MCPH1: variants seen among roughly 807,000 people sequenced by gnomAD.
MCPH1 encodes the protein microcephalin 1.
MCPH1 carries 104 observed loss-of-function variants against 84.5 expected under a neutral mutation model. The observed-to-expected ratio is 1.23, with a 90% CI of 1.05 to 1.45. The LOEUF (loss-of-function observed/expected upper bound fraction) is 1.45, where lower values mean the gene tolerates loss of function less well. MCPH1 is among the 40% of genes most tolerant of loss of function. The pLI, the probability that MCPH1 is intolerant of heterozygous loss-of-function variation, is 0.00. For missense variants in MCPH1, 1,498 were observed against 1,005.7 expected, an observed-to-expected ratio of 1.49 and a Z score of -6.62; for synonymous variants, 514 against 366.8, an observed-to-expected ratio of 1.40 and a Z score of -4.58.
intron 7 of MCPH1, among the ~76,000 whole-genome samples, chr8:6,443,142 C>T (rs1161038610): frequency 6.6e-6 from 1 of 152,190 alleles, no homozygotes; most frequent in African/African-American, 2.4e-5. Flanking sequence ...ATCACCATCC[C>T]ATTTTGCCAG....
intron 3 of MCPH1, among the ~76,000 whole-genome samples, chr8:6,419,562 T>G (rs1336685599): frequency 6.8e-6 from 1 of 147,072 alleles, no homozygotes; most frequent in Non-Finnish European, 1.5e-5. Flanking sequence ...CTGGCTAATT[T>G]TTTTTTTTTT....
chr8:6,561,925 C>T (rs1056049098), intron 12 of MCPH1, among the ~76,000 whole-genome samples: 1 of 152,214 alleles, frequency 6.6e-6, no homozygotes, highest in African/African-American at 2.4e-5. Flanking sequence ...ACCGTCCTGT[C>T]GTGGCATGAC....
intron 3 of MCPH1, among the ~76,000 whole-genome samples, chr8:6,430,012 C>A (rs2129553834): frequency 6.6e-6 from 1 of 152,276 alleles, no homozygotes; most frequent in African/African-American, 2.4e-5. Context: ...TGTATGTTTT[C>A]CCCACAATGT....
chr8:6,434,916 A>T (rs904304556), intron 4 of MCPH1, among the ~76,000 whole-genome samples: 4 of 152,158 alleles, frequency 2.6e-5, no homozygotes, highest in South Asian at 2.1e-4. Flanking sequence ...CAGTATGTGT[A>T]TTTGTGCTGA....
Position 6,621,867 on chromosome 8 carries a change from C to G in MCPH1, c.2452+176C>G, listed in dbSNP as rs1239550016. Among the ~76,000 whole-genome samples the G allele has an allele frequency of 6.6e-6, 1 of 152,034 alleles. No individual in the cohort carries two copies. The highest frequency in any genetic ancestry group is 2.4e-5 in the African/African-American group (1 of 41,358). ...GTGGTCACCCTCGGCATTCCCGCTC[C>G]TTGCTGTTAGCAGACGTACAGTTCA... On this transcript the variant is annotated intron_variant, in intron 13 of 13. Transcript: ENST00000344683.
At chr8:6,470,887 C>G (rs6989935) in intron 9 of MCPH1, among the ~76,000 whole-genome samples, 2 of 152,158 alleles carry the variant, frequency 1.3e-5, no homozygotes, top group Non-Finnish European at 2.9e-5. Flanking sequence ...GTAAGATGTA[C>G]ATAAACTAAG....
intron 12 of MCPH1, among the ~76,000 whole-genome samples, chr8:6,594,700 CA>C (rs1828787506): frequency 2.0e-5 from 3 of 151,906 alleles, no homozygotes; most frequent in Non-Finnish European, 2.9e-5. Context: ...CAGGGGACTG[CA>C]GGGGACTGCA....
At chr8:6,489,925 G>T (rs1249785841) in intron 11 of MCPH1, among the ~76,000 whole-genome samples, 1 of 152,164 alleles carries the variant, frequency 6.6e-6, no homozygotes, top group Non-Finnish European at 1.5e-5. Flanking sequence ...AATGGATAAG[G>T]CTAAAAACCA....
intron 9 of MCPH1, among the ~76,000 whole-genome samples, chr8:6,457,818 C>T (rs1805862986): frequency 6.6e-6 from 1 of 152,084 alleles, no homozygotes; most frequent in Non-Finnish European, 1.5e-5. Context: ...CTAATCCAGT[C>T]CTTATTAGTG....
At chr8:6,596,910 G>C (rs1828972976) in intron 12 of MCPH1, among the ~76,000 whole-genome samples, 1 of 152,212 alleles carries the variant, frequency 6.6e-6, no homozygotes, top group Non-Finnish European at 1.5e-5. Flanking sequence ...GAATGAATGA[G>C]AAAACTCTTG....
At chr8:6,513,051 A>G (rs1309024456) in intron 12 of MCPH1, among the ~76,000 whole-genome samples, 1 of 152,244 alleles carries the variant, frequency 6.6e-6, no homozygotes, top group Non-Finnish European at 1.5e-5. Context: ...CATGTGACAT[A>G]TTATCATGGG....
intron 11 of MCPH1, among the ~76,000 whole-genome samples, chr8:6,487,928 G>C (rs1418376405): frequency 6.6e-6 from 1 of 152,230 alleles, no homozygotes; most frequent in African/African-American, 2.4e-5. Context: ...TGTCTGACTT[G>C]AACGTGGATC....
intron 13 of MCPH1, among the ~76,000 whole-genome samples, chr8:6,637,854 T>A (rs1033646557): frequency 1.3e-5 from 2 of 152,066 alleles, no homozygotes; most frequent in Admixed American, 6.6e-5. Context: ...CAGGGACGTA[T>A]CGATGGAGGT....
intron 9 of MCPH1, among the ~76,000 whole-genome samples, chr8:6,476,644 C>G (rs1808496686): frequency 6.6e-6 from 1 of 152,176 alleles, no homozygotes; most frequent in Admixed American, 6.5e-5. Flanking sequence ...AACCAGCAGT[C>G]CTTCCCCAAA....
intron 12 of MCPH1, among the ~76,000 whole-genome samples, chr8:6,510,350 C>T (rs1814794014): frequency 6.6e-6 from 1 of 152,102 alleles, no homozygotes; most frequent in African/African-American, 2.4e-5. Context: ...CAAAGCAAAT[C>T]CTGCAATGGT....
At chr8:6,574,747 C>T (rs1160751388) in intron 12 of MCPH1, among the ~76,000 whole-genome samples, 3 of 151,944 alleles carry the variant, frequency 2.0e-5, no homozygotes, top group Non-Finnish European at 4.4e-5. Flanking sequence ...GACAGAGAGA[C>T]GAGATAAGGA....
intron 13 of MCPH1, among the ~76,000 whole-genome samples, chr8:6,634,603 T>C (rs111555779): frequency 2.6e-5 from 4 of 152,332 alleles, no homozygotes; most frequent in African/African-American, 9.6e-5. Flanking sequence ...ACCAGTCCAT[T>C]ATTATGCTAA....
chr8:6,637,076 A>G (rs1429787442), intron 13 of MCPH1, among the ~76,000 whole-genome samples: 2 of 152,244 alleles, frequency 1.3e-5, no homozygotes, highest in Non-Finnish European at 2.9e-5. Flanking sequence ...ACTTTCTTCA[A>G]ACAACACATG....
chr8:6,493,419 C>G (rs1026678029), intron 11 of MCPH1, among the ~76,000 whole-genome samples: 2 of 152,162 alleles, frequency 1.3e-5, no homozygotes, highest in Non-Finnish European at 2.9e-5. Context: ...TCCCTCTCAC[C>G]ACCTGGAATT....
Sources: gnomAD v4.1 joint callset for allele counts (sites outside exome capture counted in the v4.1 genomes callset) on GRCh38, gnomAD v4.1.1 for gene constraint, MANE v1.5 for transcripts, NCBI Gene and HGNC (gene_info 2026-07-23, HGNC 2026-07-21) for gene names.